Variants in KIAA1217 observed in about 807,000 individuals in gnomAD.
The protein encoded by KIAA1217 is sickle tail protein homolog.
A neutral mutation model predicts 163.9 loss-of-function variants in KIAA1217; 88 were observed. The observed-to-expected ratio is 0.54, with a 90% confidence interval of 0.45 to 0.64. The LOEUF (loss-of-function observed/expected upper bound fraction) is 0.64. Ranked by LOEUF, KIAA1217 falls within the 30% of genes least tolerant of loss-of-function variation. The probability of loss-of-function intolerance (pLI) is 0.00; values close to 1 mark genes in which losing one functional copy is unlikely to be tolerated. For missense variants in KIAA1217, 2,372 were observed against 2,475.0 expected (o/e 0.96, Z 0.88); for synonymous variants, 903 against 923.1 (o/e 0.98, Z 0.39).
chr10:24,272,119 T>G (rs1340180881), intron 2 of KIAA1217, among the ~76,000 whole-genome samples: 1 of 152,126 alleles, frequency 6.6e-6, no homozygotes. Context: ...ATGCCTTGTT[T>G]TCCCTTCTCT....
At chr10:23,724,506 A>G (rs1349108749) in intron 1 of KIAA1217, among the ~76,000 whole-genome samples, 1 of 152,106 alleles carries the variant, frequency 6.6e-6, no homozygotes, top group African/African-American at 2.4e-5. Flanking sequence ...TTTTCAAAAG[A>G]TATTATCCAA....
intron 2 of KIAA1217, among the ~76,000 whole-genome samples, chr10:24,125,227 G>A (rs535276272): frequency 2.0e-5 from 3 of 152,162 alleles, no homozygotes; most frequent in South Asian, 2.1e-4. Flanking sequence ...AGCTGAGATC[G>A]TGCCACTGCA....
At chr10:24,513,102 T>C (rs2069468801) in intron 9 of KIAA1217, among the ~76,000 whole-genome samples, 157 bp from the exon 10 acceptor site, 1 of 152,228 alleles carries the variant, frequency 6.6e-6, no homozygotes, top group South Asian at 2.1e-4. Context: ...GAAGCCACAT[T>C]ATGTACAGTC....
intron 8 of KIAA1217, among the ~76,000 whole-genome samples, chr10:24,497,468 C>T (rs143695207): frequency 2.6e-5 from 4 of 152,232 alleles, no homozygotes; most frequent in Non-Finnish European, 5.9e-5. Flanking sequence ...CATGGTGGCT[C>T]ATGCCTGTAA....
chr10:24,031,654 A>G (rs1302131680), intron 2 of KIAA1217, among the ~76,000 whole-genome samples: 1 of 152,032 alleles, frequency 6.6e-6, no homozygotes, highest in Admixed American at 6.6e-5. Flanking sequence ...AAGCTGTGCA[A>G]TTTCACATTC....
intron 1 of KIAA1217, among the ~76,000 whole-genome samples, chr10:23,768,305 T>G (rs1222954373): frequency 1.3e-5 from 2 of 152,178 alleles, no homozygotes; most frequent in African/African-American, 4.8e-5. Flanking sequence ...CACAGTGACT[T>G]TGGAAACTCT....
chr10:24,416,024 G>A (rs1250691361), intron 3 of KIAA1217, among the ~76,000 whole-genome samples: 1 of 152,278 alleles, frequency 6.6e-6, no homozygotes, highest in African/African-American at 2.4e-5. Flanking sequence ...GCTTCAGGCT[G>A]CAGTCAGGCT....
At chr10:24,087,343 T>A (rs1271377438) in intron 2 of KIAA1217, among the ~76,000 whole-genome samples, 1 of 152,226 alleles carries the variant, frequency 6.6e-6, no homozygotes, top group Non-Finnish European at 1.5e-5. Flanking sequence ...AAGTGAGGGT[T>A]CATGAAAACT....
At chr10:24,190,480 A>T (rs1015703682) in intron 2 of KIAA1217, among the ~76,000 whole-genome samples, 4 of 152,144 alleles carry the variant, frequency 2.6e-5, no homozygotes, top group Non-Finnish European at 5.9e-5. Flanking sequence ...CTCAGAGCTC[A>T]CCGTATGGTA....
chr10:23,761,114 A>T (rs187125237), intron 1 of KIAA1217, among the ~76,000 whole-genome samples: 704 of 152,116 alleles, frequency 4.6e-3, no homozygotes, highest in Non-Finnish European at 8.1e-3. Flanking sequence ...AAAACTAAAA[A>T]AATTAGCTGG....
At chr10:24,222,900 T>A (rs1215699418) in intron 2 of KIAA1217, among the ~76,000 whole-genome samples, 1 of 152,212 alleles carries the variant, frequency 6.6e-6, no homozygotes, top group Non-Finnish European at 1.5e-5. Context: ...TTTATGGTTA[T>A]TTCTTGATGA....
At chr10:24,384,267 T>C (rs1464883012) in intron 3 of KIAA1217, among the ~76,000 whole-genome samples, 1 of 143,778 alleles carries the variant, frequency 7.0e-6, no homozygotes, top group African/African-American at 2.8e-5. Flanking sequence ...TTTAAAATTT[T>C]GATGGTTTAT....
chr10:24,247,246 A>G (rs956973901), intron 2 of KIAA1217, among the ~76,000 whole-genome samples: 3 of 149,970 alleles, frequency 2.0e-5, no homozygotes, highest in South Asian at 2.1e-4. Context: ...GCTTTGTTGT[A>G]CAGATTGTTT....
chr10:24,131,746 G>T (rs529379469), intron 2 of KIAA1217, among the ~76,000 whole-genome samples: 4 of 152,260 alleles, frequency 2.6e-5, no homozygotes, highest in East Asian at 3.9e-4. Flanking sequence ...GCATTTTAGT[G>T]GGGGCATGGA....
intron 2 of KIAA1217, among the ~76,000 whole-genome samples, chr10:24,327,901 C>A (rs1399170247): frequency 6.6e-6 from 1 of 152,178 alleles, no homozygotes; most frequent in Non-Finnish European, 1.5e-5. Flanking sequence ...TTATCATTAA[C>A]CCATTTTCTC....
chr10:24,324,169 G>A (rs2044561467), intron 2 of KIAA1217, among the ~76,000 whole-genome samples: 2 of 152,204 alleles, frequency 1.3e-5, no homozygotes, highest in East Asian at 3.9e-4. Flanking sequence ...CACGGAGGCT[G>A]AGACAGGAGG....
chr10:24,271,618 G>A (rs1446918153), intron 2 of KIAA1217, among the ~76,000 whole-genome samples: 1 of 151,944 alleles, frequency 6.6e-6, no homozygotes, highest in East Asian at 1.9e-4. Context: ...CAGGCGTGGT[G>A]GCATGTACTT....
chr10:23,878,594 T>C (rs1840812016), intron 1 of KIAA1217, among the ~76,000 whole-genome samples: 1 of 152,042 alleles, frequency 6.6e-6, no homozygotes, highest in East Asian at 2.0e-4. Context: ...TGCATTGGAA[T>C]AAAATAAAGC....
rs12252194 is a variant in KIAA1217, at chr10:24,001,756, G to A, written c.-320-5469G>A. Among the ~76,000 whole-genome samples, 1,253 of 152,162 alleles carry A rather than the reference G, an allele frequency of 8.2e-3. 16 individuals carry two copies. The highest frequency in any genetic ancestry group is 0.029 in the African/African-American group (1,184 of 41,512). On this transcript the variant is annotated intron_variant, in intron 1 of 18. Transcript: ENST00000376462. Reference sequence around the variant, plus strand: ...GAAACAGAAGTTTGCCTGAGCGAGGGGAATGTCTAAACTCAAACCCTGAGC... The same window carrying A: ...GAAACAGAAGTTTGCCTGAGCGAGGAGAATGTCTAAACTCAAACCCTGAGC...
Sources: allele counts gnomAD v4.1 joint callset (sites outside exome capture counted in the v4.1 genomes callset), GRCh38; gene constraint gnomAD v4.1.1; transcripts MANE v1.5; gene names NCBI Gene and HGNC (gene_info 2026-07-23, HGNC 2026-07-21).